The following UHRF1 variants were observed in gnomAD, a reference collection of about 807,000 sequenced individuals.
UHRF1 encodes ubiquitin like with PHD and ring finger domains 1.
A neutral mutation model predicts 96.5 loss-of-function variants in UHRF1; 9 were observed. The ratio of observed to expected loss-of-function variants is 0.09; its 90% CI spans 0.06 to 0.16. The LOEUF (loss-of-function observed/expected upper bound fraction) is 0.16. Ranked by LOEUF, UHRF1 falls within the 10% of genes least tolerant of loss-of-function variation. The pLI is 1.00. For missense variants in UHRF1, 626 were observed against 1,131.1 expected (o/e 0.55, Z 6.40); for synonymous variants, 455 against 469.9 (o/e 0.97, Z 0.41).
chr19:4,935,787 T>C (rs2033198112), intron 5 of UHRF1, among the ~76,000 whole-genome samples: 1 of 152,130 alleles, frequency 6.6e-6, no homozygotes, highest in Admixed American at 6.6e-5. Context: ...GTCCATACTT[T>C]TATGGGGAGA....
chr19:4,911,259 C>T (rs568698366), intron 2 of UHRF1, among the ~76,000 whole-genome samples: 1 of 152,106 alleles, frequency 6.6e-6, no homozygotes, highest in East Asian at 1.9e-4. Flanking sequence ...GGCGGCTGGC[C>T]CTCGAATCTA....
intron 7 of UHRF1, among the ~76,000 whole-genome samples, chr19:4,943,504 C>CT (rs1020972754): frequency 4.7e-5 from 5 of 106,462 alleles, no homozygotes; most frequent in African/African-American, 2.7e-4. Flanking sequence ...TGCCCCCCCT[C>CT]CCCACATCGT....
chr19:4,958,001 G>T (rs371935185), intron 16 of UHRF1, among the ~76,000 whole-genome samples: 1 of 152,218 alleles, frequency 6.6e-6, no homozygotes, highest in Non-Finnish European at 1.5e-5. Context: ...CTGCAGTCCC[G>T]CAGTCCTCTC....
intron 16 of UHRF1, among the ~76,000 whole-genome samples, chr19:4,959,065 A>G (rs1794779407): frequency 6.6e-6 from 1 of 151,478 alleles, no homozygotes; most frequent in Non-Finnish European, 1.5e-5. Context: ...GCAGCCTTGA[A>G]CTCCTCGCGG....
chr19:4,903,778 C>T (rs2031999249), intron 1 of UHRF1: 1 of 152,232 alleles, frequency 6.6e-6, no homozygotes, highest in Non-Finnish European at 1.5e-5. Context: ...GCTGGGATTA[C>T]AGTTGTGAGC....
chr19:4,946,984 C>T, intron 10 of UHRF1, 121 bp from the exon 11 acceptor site: 1 of 748,758 alleles, frequency 1.3e-6, no homozygotes, highest in South Asian at 1.7e-5. Flanking sequence ...ACATTCTCAC[C>T]AACGCTTGTT....
At chr19:4,908,663 T>C (rs1380925008), upstream of UHRF1, among the ~76,000 whole-genome samples, 1 of 152,130 alleles carries the variant, frequency 6.6e-6, no homozygotes, top group African/African-American at 2.4e-5. Context: ...GAGTATCCTC[T>C]CTCCCCGCCT....
chr19:4,941,533 A>G lies in UHRF1; in HGVS notation c.791A>G (p.Asp264Gly). ...ELYANVVLGD[D>G]SLNDCRIIFV... is the part of the protein sequence containing the mutation. ...AGCGTCCTCGTTCCTTGCAGGGATG[A>G]TTCTCTGAACGACTGTCGGATCATC... Residue 264 changes from aspartate to glycine, a missense_variant, in exon 6 of 17, where the codon GAT becomes GGT. Physicochemically the swap from Asp to Gly is moderately conservative, Grantham distance 94 (BLOSUM62 -1). Transcript: ENST00000650932. The G allele has an allele frequency of 6.2e-7, 1 of 1,612,912 alleles. No individual in the cohort carries two copies. The highest frequency in any genetic ancestry group is 8.5e-7 in the Non-Finnish European group (1 of 1,179,402).
At chr19:4,941,982 C>T in intron 7 of UHRF1, 51 bp downstream of exon 7, 1 of 1,431,032 alleles carries the variant, frequency 7.0e-7, no homozygotes, top group Non-Finnish European at 9.2e-7. Context: ...CCCTACAAAT[C>T]CCCAGAGGGG....
chr19:4,910,924 C>T lies in UHRF1; in HGVS notation c.39C>T (p.Thr13=). The change falls in exon 2 of 17, where the codon ACC becomes ACT. Residue 13 remains threonine, a synonymous_variant. Transcript: ENST00000650932. ...TTCGGACCATGGACGGGAGGCAGAC[C>T]CACACGGTGGACTCGCTGTCCAGGC... ...IQVRTMDGRQ[T]HTVDSLSRLT... 6.2e-7 allele frequency: 1 copy of T among 1,613,496 alleles called. No individual in the cohort carries two copies. The highest frequency in any genetic ancestry group is 8.5e-7 in the Non-Finnish European group (1 of 1,179,594).
exon 1 of UHRF1, chr19:4,903,397 C>T: frequency 6.5e-6 from 1 of 153,866 alleles, no homozygotes; most frequent in East Asian, 1.9e-4. Flanking sequence ...ACTGCCACAT[C>T]TGCCTCCCGG....
chr19:4,951,874 T>C (rs1409762346), intron 13 of UHRF1, among the ~76,000 whole-genome samples: 1 of 152,148 alleles, frequency 6.6e-6, no homozygotes, highest in African/African-American at 2.4e-5. Context: ...AGTTAGGATG[T>C]GGTCTGTCCA....
intron 11 of UHRF1, among the ~76,000 whole-genome samples, chr19:4,948,031 G>A (rs1406409461): frequency 6.7e-6 from 1 of 150,276 alleles, no homozygotes; most frequent in African/African-American, 2.5e-5. Flanking sequence ...TTGAGCCCAG[G>A]AGGTTGAGGC....
chr19:4,919,138 C>A (rs942363091), intron 2 of UHRF1, among the ~76,000 whole-genome samples: 2 of 151,374 alleles, frequency 1.3e-5, no homozygotes, highest in East Asian at 3.9e-4. Flanking sequence ...AATCCTCCCA[C>A]CACAGCCTTC....
intron 10 of UHRF1, 66 bp from the exon 11 acceptor site, chr19:4,947,039 C>T: frequency 1.6e-6 from 2 of 1,268,798 alleles, no homozygotes; most frequent in East Asian, 2.3e-5. Context: ...AGTTTGCTTT[C>T]AATGCAGTCT....
chr19:4,916,250 G>A (rs1048449453), intron 2 of UHRF1, among the ~76,000 whole-genome samples: 6 of 150,878 alleles, frequency 4.0e-5, no homozygotes, highest in African/African-American at 1.5e-4. Flanking sequence ...AGGCTGCAGT[G>A]AACCAAGATT....
intron 5 of UHRF1, among the ~76,000 whole-genome samples, chr19:4,940,037 A>AC (rs1033750745): frequency 4.6e-5 from 7 of 151,962 alleles, no homozygotes; most frequent in African/African-American, 1.7e-4. Context: ...AAAAAAAAAA[A>AC]ACACATGGGC....
rs4022195 is a variant in UHRF1 at position 4,913,252 on chromosome 19, C to CTTTTTTTTT, written c.153+2224_153+2232dup. Among the ~76,000 whole-genome samples the CTTTTTTTTT allele has an allele frequency of 1.8e-5, 2 of 111,200 alleles. 1 individual carries two copies. Among genetic ancestry groups the CTTTTTTTTT allele is most frequent in the Non-Finnish European group, 3.5e-5 (2 of 57,630 alleles). 73.0% of individuals were successfully genotyped at this position (111,200 alleles called of 152,430 possible). On this transcript the variant is annotated intron_variant, in intron 2 of 16. Transcript: ENST00000650932. ...ATGTTAATTAGACATGTACATTGTG[C>CTTTTTTTTT]TTTTTTTTTTTTTTTTTTGAGATGG...
chr19:4,917,131 CT>C (rs2032545129), intron 2 of UHRF1, among the ~76,000 whole-genome samples: 1 of 46,182 alleles, frequency 2.2e-5, no homozygotes, highest in African/African-American at 7.4e-5. Context: ...TTTTTTTTTT[CT>C]TTTTTATAGA....
Sources: allele counts gnomAD v4.1 joint callset (sites outside exome capture counted in the v4.1 genomes callset), GRCh38; gene constraint gnomAD v4.1.1; transcripts MANE v1.5; gene names NCBI Gene and HGNC (gene_info 2026-07-23, HGNC 2026-07-21).